The following UNC13B variants were observed in gnomAD, a reference collection of about 807,000 sequenced individuals.
UNC13B encodes the protein unc-13 homolog B.
Under a neutral mutation model 211.0 loss-of-function variants are expected in UNC13B, and 144 were observed. The observed-to-expected ratio is 0.68, with a 90% CI of 0.60 to 0.78. The LOEUF (loss-of-function observed/expected upper bound fraction) is 0.78. Ranked by LOEUF, UNC13B falls within the 30% of genes least tolerant of loss-of-function variation. UNC13B has a pLI of 0.00. For synonymous variants in UNC13B, 709 were observed against 725.8 expected (o/e 0.98, Z 0.37); for missense variants, 1,777 against 2,002.0 (o/e 0.89, Z 2.14).
rs188601616 is a variant in UNC13B at position 35,191,909 on chromosome 9, A to G, written c.22+29604A>G. On this transcript the variant is annotated intron_variant, in intron 1 of 39. Transcript: ENST00000635942. Reference sequence around the variant, plus strand: ...AGGTACCCTTTCTTTCCACAGGACCATACAGAAAGATACACGAAGCACACC... The same window carrying G: ...AGGTACCCTTTCTTTCCACAGGACCGTACAGAAAGATACACGAAGCACACC... Among the ~76,000 whole-genome samples the G allele has an allele frequency of 2.4e-3, 362 of 152,358 alleles. 2 individuals carry two copies. The highest frequency in any genetic ancestry group is 4.5e-3 in the Non-Finnish European group (305 of 68,034).
chr9:35,268,047 G>A (rs1475689913), intron 7 of UNC13B, among the ~76,000 whole-genome samples: 2 of 152,084 alleles, frequency 1.3e-5, no homozygotes, highest in East Asian at 1.9e-4. Context: ...GCTTAGAAAA[G>A]TACACAGTTC....
intron 11 of UNC13B, among the ~76,000 whole-genome samples, chr9:35,348,246 A>G (rs1316418117): frequency 6.6e-6 from 1 of 152,188 alleles, no homozygotes; most frequent in Non-Finnish European, 1.5e-5. Flanking sequence ...TCTGGACCAA[A>G]GTGAGGCTGG....
intron 35 of UNC13B, 91 bp from the exon 36 acceptor site, chr9:35,399,558 G>A: frequency 6.2e-7 from 1 of 1,600,076 alleles, no homozygotes; most frequent in Non-Finnish European, 8.6e-7. Flanking sequence ...AGGAAAAGGA[G>A]GAGATGAATA....
At chr9:35,315,249 T>C (rs1273637847) in intron 11 of UNC13B, among the ~76,000 whole-genome samples, 1 of 152,090 alleles carries the variant, frequency 6.6e-6, no homozygotes, top group Non-Finnish European at 1.5e-5. Context: ...GCAGGTATCT[T>C]TTTGATATAA....
chr9:35,251,158 G>A (rs1425566881), intron 6 of UNC13B, among the ~76,000 whole-genome samples: 1 of 151,784 alleles, frequency 6.6e-6, no homozygotes, highest in Admixed American at 6.6e-5. Flanking sequence ...TAGAGACAGG[G>A]TTTCACCGTG....
intron 11 of UNC13B, among the ~76,000 whole-genome samples, chr9:35,363,061 A>G (rs1231974318): frequency 1.3e-5 from 2 of 152,164 alleles, no homozygotes; most frequent in East Asian, 3.9e-4. Context: ...AGAATGAGTA[A>G]ATAAAAATTT....
At chr9:35,168,493 G>A (rs1049233539) in intron 1 of UNC13B, among the ~76,000 whole-genome samples, 33 of 152,024 alleles carry the variant, frequency 2.2e-4, no homozygotes, top group African/African-American at 7.7e-4. Flanking sequence ...GTTTTCTTTG[G>A]CATATAATTA....
intron 7 of UNC13B, among the ~76,000 whole-genome samples, chr9:35,288,437 C>T (rs528597950): frequency 2.0e-5 from 3 of 152,218 alleles, no homozygotes; most frequent in Non-Finnish European, 4.4e-5. Context: ...ATTTTCAGCT[C>T]ACTGAACATG....
chr9:35,398,698 C>G, intron 32 of UNC13B, 56 bp downstream of exon 32: 1 of 1,598,224 alleles, frequency 6.3e-7, no homozygotes, highest in South Asian at 1.1e-5. Context: ...CTAGCCAATC[C>G]CAGAGCCCTT....
intron 1 of UNC13B, among the ~76,000 whole-genome samples, chr9:35,201,478 G>A (rs1345953448): frequency 6.6e-6 from 1 of 152,102 alleles, no homozygotes; most frequent in Admixed American, 6.5e-5. Context: ...ACTTTTTTTG[G>A]TTGGTAGGCT....
intron 21 of UNC13B, among the ~76,000 whole-genome samples, chr9:35,383,676 T>C (rs186655342): frequency 8.4e-4 from 128 of 152,070 alleles, no homozygotes; most frequent in African/African-American, 3.0e-3. Flanking sequence ...AAATAGTATA[T>C]GTTAGATATT....
intron 2 of UNC13B, among the ~76,000 whole-genome samples, chr9:35,230,555 T>C (rs1286404937): frequency 6.6e-6 from 1 of 152,112 alleles, no homozygotes; most frequent in Non-Finnish European, 1.5e-5. Flanking sequence ...GAAATCTATT[T>C]TCTTTGTGAA....
Position 35,201,267 on chromosome 9 carries a change from T to G in UNC13B, c.23-26748T>G, listed in dbSNP as rs553197178. ...ATTTTATTGAGGATTTTTGCATTGA[T>G]GTTCATCAGGATATTGGTCTAAAAT... On this transcript the variant is annotated intron_variant, in intron 1 of 39. Coordinates refer to ENST00000635942, the MANE Select transcript of UNC13B (RefSeq NM_001371189.2). 2.6e-5 allele frequency among the ~76,000 whole-genome samples: 4 copies of G among 152,336 alleles called. No individual in the cohort carries two copies. The East Asian group carries it at 7.7e-4, about 29-fold the overall frequency.
chr9:35,402,082 G>C (rs943056799), intron 37 of UNC13B: 6 of 1,395,348 alleles, frequency 4.3e-6, no homozygotes, highest in Non-Finnish European at 5.9e-6. Context: ...TGAGCAACTC[G>C]TGCTGGGGGT....
At chr9:35,261,138 C>G (rs1023810306) in intron 7 of UNC13B, among the ~76,000 whole-genome samples, 12 of 151,966 alleles carry the variant, frequency 7.9e-5, no homozygotes, top group Non-Finnish European at 1.5e-4. Context: ...GCTCATTACC[C>G]TTTACTAGGT....
rs1822009882 is a variant in UNC13B, at chr9:35,182,723, C to T, written c.22+20418C>T. On this transcript the variant is annotated intron_variant, in intron 1 of 39. Transcript: ENST00000635942. ...CATCTGTTTAACAAAGCACATCTTG[C>T]ACCGCCCTTAATCCATTTAACTCTG... Among the ~76,000 whole-genome samples, 4 of 152,314 alleles carry T rather than the reference C, an allele frequency of 2.6e-5. No individual in the cohort carries two copies. In the South Asian group the frequency reaches 8.3e-4, roughly 32 times the overall value.
rs575620652 is a variant in UNC13B at position 35,351,888 on chromosome 9, C to A, written c.9415-15059C>A. On this transcript the variant is annotated intron_variant, in intron 11 of 39. Coordinates refer to ENST00000635942, the MANE Select transcript of UNC13B (RefSeq NM_001371189.2). The stretch of plus-strand genomic sequence containing the variant: ...CCCTCAGAGAGGAACCAAACCAAGA[C>A]CCTTTTGTCCAGAGGCCATGGCCAA... 1.4e-5 allele frequency: 17 copies of A among 1,232,270 alleles called. No homozygotes were observed. The East Asian group carries it at 3.5e-4, about 25-fold the overall frequency. The allele number at this position is 1,232,270 out of a possible 1,614,324, so 76.3% of individuals were successfully genotyped here.
intron 1 of UNC13B, among the ~76,000 whole-genome samples, chr9:35,202,533 C>T (rs1183171923): frequency 6.6e-6 from 1 of 152,062 alleles, no homozygotes; most frequent in African/African-American, 2.4e-5. Context: ...CTGGGTGCTC[C>T]TGTATTGGAT....
At position 35,301,901 on chromosome 9, in the gene UNC13B, C is replaced by T. The variant is rs993066941; in HGVS notation, c.2497C>T (p.Pro833Ser). Residue 833 changes from proline (P) to serine (S), a missense_variant, in exon 9 of 40, where the codon CCT becomes TCT. By Grantham distance (74) the Pro-to-Ser change is moderately conservative. Coordinates refer to ENST00000635942, the MANE Select transcript of UNC13B (RefSeq NM_001371189.2). The stretch of plus-strand genomic sequence containing the variant: ...TTGTTCAAAGGAAAGTTTGTCAGAA[C>T]CTGTGAAAATTCGCCAGGTGGAGGA... The part of the protein sequence containing the change: ...ETCSKESLSE[P>S]VKIRQVEEDG... 2.5e-6 allele frequency: 1 copy of T among 398,804 alleles called. No homozygotes were observed. The highest frequency in any genetic ancestry group is 4.4e-6 in the Non-Finnish European group (1 of 225,880). The allele number at this position is 398,804 out of a possible 1,614,324, so 24.7% of individuals were successfully genotyped here.
Sources: gnomAD v4.1 joint callset for allele counts (sites outside exome capture counted in the v4.1 genomes callset) on GRCh38, gnomAD v4.1.1 for gene constraint, MANE v1.5 for transcripts, NCBI Gene and HGNC (gene_info 2026-07-23, HGNC 2026-07-21) for gene names.